CAPN2: variants seen among roughly 807,000 people sequenced by gnomAD.
The protein encoded by CAPN2 is calpain-2 catalytic subunit.
Under a neutral mutation model 102.3 loss-of-function variants are expected in CAPN2, and 92 were observed. The ratio of observed to expected loss-of-function variants is 0.90; its 90% CI spans 0.76 to 1.07. The LOEUF (loss-of-function observed/expected upper bound fraction) is 1.07, where lower values mean the gene tolerates loss of function less well. Ranked by LOEUF, CAPN2 falls within the 50% of genes least tolerant of loss-of-function variation. The pLI is 0.00. For missense variants in CAPN2, 800 were observed against 909.4 expected (o/e 0.88, Z 1.55); for synonymous variants, 340 against 355.4 (o/e 0.96, Z 0.49).
chr1:223,734,826 C>A (rs1323338036), intron 2 of CAPN2, among the ~76,000 whole-genome samples: 3 of 152,096 alleles, frequency 2.0e-5, no homozygotes, highest in Admixed American at 2.0e-4. Context: ...TCATTTAATT[C>A]TCAGTGCCAT....
At chr1:223,764,054 C>A in intron 14 of CAPN2, 96 bp from the exon 15 acceptor site, 1 of 928,112 alleles carries the variant, frequency 1.1e-6, no homozygotes, top group Non-Finnish European at 1.8e-6. Context: ...ATTCATAGGC[C>A]CCACCGCAGG....
chr1:223,730,267 C>T (rs541795523), intron 2 of CAPN2, among the ~76,000 whole-genome samples: 1 of 151,972 alleles, frequency 6.6e-6, no homozygotes, highest in African/African-American at 2.4e-5. Context: ...GCTTGTCCAA[C>T]CCTCGTGCTG....
At chr1:223,712,429 T>C, upstream of CAPN2, 2 of 1,096,874 alleles carry the variant, frequency 1.8e-6, no homozygotes, top group Middle Eastern at 4.0e-4. Context: ...GGCCGCAGGA[T>C]GGCCTGGTCC....
intron 5 of CAPN2, among the ~76,000 whole-genome samples, chr1:223,748,141 G>A (rs1660790986): frequency 6.6e-6 from 1 of 152,200 alleles, no homozygotes; most frequent in Non-Finnish European, 1.5e-5. Context: ...TAGGCCCGTG[G>A]GAGACTTCGG....
At chr1:223,739,647 A>G (rs1009808070) in intron 2 of CAPN2, among the ~76,000 whole-genome samples, 5 of 152,206 alleles carry the variant, frequency 3.3e-5, no homozygotes, top group African/African-American at 1.2e-4. Flanking sequence ...CCCCTCTGCC[A>G]AAATTTTTGT....
intron 2 of CAPN2, among the ~76,000 whole-genome samples, chr1:223,729,725 G>A (rs1324863803): frequency 2.0e-5 from 3 of 152,122 alleles, no homozygotes; most frequent in Admixed American, 6.6e-5. Flanking sequence ...AATCAAGGCC[G>A]GGTGCGGTGG....
At chr1:223,761,460 C>G (rs915945046) in intron 12 of CAPN2, 121 bp from the exon 13 acceptor site, 2 of 715,778 alleles carry the variant, frequency 2.8e-6, no homozygotes, top group Admixed American at 2.2e-5. Flanking sequence ...CCCACCGCAG[C>G]CCTGCCCCAC....
intron 10 of CAPN2, among the ~76,000 whole-genome samples, 190 bp from the exon 11 acceptor site, chr1:223,757,179 T>C (rs574052121): frequency 3.9e-5 from 6 of 152,334 alleles, no homozygotes; most frequent in African/African-American, 1.4e-4. Flanking sequence ...AGGTGAGGGC[T>C]TATCAACATA....
chr1:223,770,205 A>G, intron 17 of CAPN2: 1 of 581,684 alleles, frequency 1.7e-6, no homozygotes, highest in Non-Finnish European at 3.1e-6. Flanking sequence ...AAAATTATAT[A>G]AGACAAGAAC....
At chr1:223,734,609 C>G (rs1289280844) in intron 2 of CAPN2, among the ~76,000 whole-genome samples, 1 of 152,164 alleles carries the variant, frequency 6.6e-6, no homozygotes, top group East Asian at 1.9e-4. Context: ...GGCCACAACC[C>G]TCTCTCCTTG....
chr1:223,755,476 G>A lies in CAPN2; in HGVS notation c.1136-4G>A. Reference sequence around the variant, plus strand: ...TGGGCTCCTCTGCCCCTTTCTGGCTGCAGACACATTCTGGATGAACCCTCA... The same window carrying A: ...TGGGCTCCTCTGCCCCTTTCTGGCTACAGACACATTCTGGATGAACCCTCA... On this transcript the variant is annotated splice_polypyrimidine_tract_variant and splice_region_variant and intron_variant, in intron 9 of 20. Transcript: ENST00000295006. The surrounding 1 kb of genome is among the most constrained non-coding windows in gnomAD (Gnocchi z 4.1). 6.2e-7 allele frequency: 1 copy of A among 1,613,834 alleles called. No homozygotes were observed. Among genetic ancestry groups the A allele is most frequent in the Non-Finnish European group, 8.5e-7 (1 of 1,179,946 alleles).
intron 6 of CAPN2, 65 bp downstream of exon 6, chr1:223,749,187 G>C (rs1660825954): frequency 7.0e-7 from 1 of 1,431,292 alleles, no homozygotes; most frequent in African/African-American, 1.4e-5. Flanking sequence ...GGCACAGTTT[G>C]TGGTGATGCC....
In CAPN2 at chr1:223,752,049, C is replaced by T. The variant is rs751561157; in HGVS notation, c.952C>T (p.Arg318Trp). The change falls in exon 8 of 21, where the codon CGG (arginine) becomes TGG (tryptophan). Residue 318 changes from arginine to tryptophan, a missense_variant. Arg to Trp is a moderately radical substitution (Grantham distance 101). Transcript: ENST00000295006. ...DPEERERLTRRHEDGEFWMSF... is the reference protein window; with the variant it reads ...DPEERERLTRWHEDGEFWMSF... ...AGAGGAGAGGGAAAGGCTGACCAGA[C>T]GGCATGAAGATGGAGAATTCTGGTA... 2.1e-5 allele frequency: 34 copies of T among 1,612,678 alleles called. No homozygotes were observed. The highest frequency in any genetic ancestry group is 2.5e-5 in the Non-Finnish European group (29 of 1,178,794).
chr1:223,773,116 C>T (rs1165572524), intron 20 of CAPN2: 1 of 152,208 alleles, frequency 6.6e-6, no homozygotes, highest in Non-Finnish European at 1.5e-5. Flanking sequence ...AAATAACTGT[C>T]TCATTCTGCT....
intron 2 of CAPN2, among the ~76,000 whole-genome samples, chr1:223,734,963 G>A (rs1290397350): frequency 2.6e-5 from 4 of 152,124 alleles, no homozygotes; most frequent in Non-Finnish European, 4.4e-5. Context: ...CCAACCATTC[G>A]GGGTGGGAGT....
chr1:223,768,919 A>G (rs569740156), intron 16 of CAPN2, among the ~76,000 whole-genome samples: 1 of 152,164 alleles, frequency 6.6e-6, no homozygotes, highest in African/African-American at 2.4e-5. Context: ...TGTAAGTTGG[A>G]TAAGATCGTC....
At chr1:223,724,867 G>A (rs1042343452) in intron 2 of CAPN2, among the ~76,000 whole-genome samples, 2 of 152,212 alleles carry the variant, frequency 1.3e-5, no homozygotes, top group Admixed American at 6.5e-5. Flanking sequence ...CAGCTACTTG[G>A]GAGGCTGAGG....
chr1:223,767,145 G>C (rs541586897), intron 16 of CAPN2, among the ~76,000 whole-genome samples: 2 of 151,820 alleles, frequency 1.3e-5, no homozygotes, highest in Admixed American at 1.3e-4. Flanking sequence ...ATGTGAATCT[G>C]TTTTGTCTGA....
chr1:223,716,927 CA>C (rs1323474808), intron 1 of CAPN2, among the ~76,000 whole-genome samples: 3 of 152,130 alleles, frequency 2.0e-5, no homozygotes, highest in Admixed American at 6.5e-5. Context: ...AGAGTTGGCG[CA>C]TTTGATCAGT....
Sources: allele counts gnomAD v4.1 joint callset (sites outside exome capture counted in the v4.1 genomes callset), GRCh38; gene constraint gnomAD v4.1.1; non-coding constraint Gnocchi (gnomAD v3.1); transcripts MANE v1.5; gene names NCBI Gene and HGNC (gene_info 2026-07-23, HGNC 2026-07-21).